CAPN5: variants seen among roughly 807,000 people sequenced by gnomAD.
The protein encoded by CAPN5 is calpain 5.
In CAPN5, 54 loss-of-function variants were observed where a neutral mutation model predicts 73.0. The observed-to-expected ratio is 0.74, with a 90% CI of 0.59 to 0.93. CAPN5 has a LOEUF of 0.93. Ranked by LOEUF, CAPN5 falls within the 40% of genes least tolerant of loss-of-function variation. The pLI, the probability that CAPN5 is intolerant of heterozygous loss-of-function variation, is 0.00. For missense variants in CAPN5, 785 were observed against 882.9 expected (o/e 0.89, Z 1.41); for synonymous variants, 335 against 356.9 (o/e 0.94, Z 0.69).
chr11:77,091,919 T>C (rs1304331274), intron 2 of CAPN5, among the ~76,000 whole-genome samples: 2 of 152,206 alleles, frequency 1.3e-5, no homozygotes, highest in African/African-American at 4.8e-5. Flanking sequence ...TGATTCCTCC[T>C]CGCAAAGTAG....
chr11:77,086,363 C>G (rs563001275), intron 2 of CAPN5, among the ~76,000 whole-genome samples: 5 of 152,226 alleles, frequency 3.3e-5, no homozygotes, highest in Admixed American at 2.6e-4. Flanking sequence ...AAACTGAGGC[C>G]AAGAGAGGAA....
intron 1 of CAPN5, among the ~76,000 whole-genome samples, chr11:77,073,335 C>T (rs548731034): frequency 3.3e-5 from 5 of 152,352 alleles, no homozygotes; most frequent in Non-Finnish European, 5.9e-5. Context: ...AACCCCTGAC[C>T]TGGAACACCC....
chr11:77,093,611 C>T lies in CAPN5; in HGVS notation c.166-71C>T. 6 of 1,426,218 alleles carry T rather than the reference C, an allele frequency of 4.2e-6. No homozygotes were observed. In the South Asian group the frequency reaches 5.2e-5, roughly 12 times the overall value. The allele number at this position is 1,426,218 out of a possible 1,614,324, so 88.3% of individuals were successfully genotyped here. On this transcript the variant is annotated intron_variant, in intron 2 of 12. Transcript: ENST00000648180. Reference sequence around the variant, plus strand: ...CTGTGTCTGTCACGTCTGTGTCTGTCATGTCTCCTGCCATGGGGGGCATCC... The same window carrying T: ...CTGTGTCTGTCACGTCTGTGTCTGTTATGTCTCCTGCCATGGGGGGCATCC...
chr11:77,083,256 G>A (rs1325904426), intron 1 of CAPN5, among the ~76,000 whole-genome samples: 1 of 152,178 alleles, frequency 6.6e-6, no homozygotes, highest in African/African-American at 2.4e-5. Context: ...TGGCAGGTGG[G>A]GGGACAATGG....
chr11:77,085,187 G>T, intron 2 of CAPN5, 136 bp downstream of exon 2: 1 of 735,088 alleles, frequency 1.4e-6, no homozygotes, highest in Non-Finnish European at 2.3e-6. Context: ...GTGCTGAAAC[G>T]GTGGGATTTG....
At chr11:77,075,938 T>C (rs958747533) in intron 1 of CAPN5, among the ~76,000 whole-genome samples, 1 of 152,226 alleles carries the variant, frequency 6.6e-6, no homozygotes, top group Non-Finnish European at 1.5e-5. Flanking sequence ...ATTTTTTAAA[T>C]AGATAAAAAT....
In CAPN5 at chr11:77,114,194, C is replaced by A. The variant is rs200324313; in HGVS notation, c.507-48C>A. 5.1e-6 allele frequency: 8 copies of A among 1,574,704 alleles called. No homozygotes were observed. The South Asian group carries it at 8.9e-5, about 17-fold the overall frequency. ...CTCCCCTATGAGGTAAAGGATGCAG[C>A]CTGGCTGGGGAGCATGAGCTGGGAA... is the stretch of plus-strand genomic sequence containing the variant. On this transcript the variant is annotated intron_variant, in intron 4 of 12. Coordinates refer to ENST00000648180, the MANE Select transcript of CAPN5 (RefSeq NM_004055.5).
chr11:77,086,017 A>G (rs1555035444), intron 2 of CAPN5, among the ~76,000 whole-genome samples: 1 of 152,150 alleles, frequency 6.6e-6, no homozygotes, highest in East Asian at 1.9e-4. Context: ...TTTTTGCCCA[A>G]AGGGCCAGGT....
At chr11:77,080,415 G>T (rs1326458225) in intron 1 of CAPN5, among the ~76,000 whole-genome samples, 1 of 152,126 alleles carries the variant, frequency 6.6e-6, no homozygotes, top group Non-Finnish European at 1.5e-5. Context: ...CTGGCTCCAT[G>T]ACCCCATCTC....
At chr11:77,113,335 C>T (rs1950431252) in intron 4 of CAPN5, among the ~76,000 whole-genome samples, 1 of 152,246 alleles carries the variant, frequency 6.6e-6, no homozygotes, top group South Asian at 2.1e-4. Context: ...ACACAGAGCC[C>T]AGCATAGAAT....
chr11:77,116,271 G>C lies in CAPN5; in HGVS notation c.939G>C (p.Met313Ile). The change falls in exon 7 of 13, where the codon ATG becomes ATC. Residue 313 changes from methionine to isoleucine, a missense_variant. By Grantham distance (10) the Met-to-Ile change is conservative. Transcript: ENST00000648180. ...QKVSKSEREK[M>I]GVTVQDDGEF... Reference sequence around the variant, plus strand: ...TGAGCAAGAGTGAGCGGGAGAAGATGGGTGTGACCGTGCAGGACGACGGTG... The same window carrying C: ...TGAGCAAGAGTGAGCGGGAGAAGATCGGTGTGACCGTGCAGGACGACGGTG... 1 of 1,613,756 alleles carries C rather than the reference G, an allele frequency of 6.2e-7. No individual in the cohort carries two copies.
At position 77,125,585 on chromosome 11, in the gene CAPN5, T is replaced by C. The variant is rs1182630737; in HGVS notation, c.*1715T>C. The C allele has an allele frequency of 1.3e-5, 2 of 150,032 alleles. No individual in the cohort carries two copies. The highest frequency in any genetic ancestry group is 3.0e-5 in the Non-Finnish European group (2 of 67,736). The allele number at this position is 150,032 out of a possible 1,614,324, so 9.3% of individuals were successfully genotyped here. ...TGAGTAAGGGCAAAATAATACCCCT[T>C]TCTCTATGTATCTCTGTATGCACAC... On this transcript the variant is annotated 3_prime_UTR_variant, in exon 13 of 13. Transcript: ENST00000648180.
At chr11:77,093,596 C>CA (rs1218601823) in intron 2 of CAPN5, 86 bp from the exon 3 acceptor site, 6 of 768,952 alleles carry the variant, frequency 7.8e-6, no homozygotes, top group Admixed American at 3.1e-5. Flanking sequence ...CTGTGTCTGT[C>CA]ACGTCTGTGT....
chr11:77,078,866 C>A (rs1276541810), intron 1 of CAPN5, among the ~76,000 whole-genome samples: 1 of 151,924 alleles, frequency 6.6e-6, no homozygotes, highest in East Asian at 1.9e-4. Flanking sequence ...GTTTTCTTGA[C>A]TCTTTTGAGT....
At chr11:77,106,779 G>A (rs1486479440) in intron 3 of CAPN5, among the ~76,000 whole-genome samples, 1 of 152,238 alleles carries the variant, frequency 6.6e-6, no homozygotes, top group African/African-American at 2.4e-5. Flanking sequence ...AGGAGAACCT[G>A]TGGAGAGCTG....
chr11:77,098,232 C>T (rs1187072438), intron 3 of CAPN5, among the ~76,000 whole-genome samples: 1 of 74,978 alleles, frequency 1.3e-5, no homozygotes, highest in African/African-American at 7.1e-5. Flanking sequence ...GGGGGGCTGA[C>T]CCCCCCCACC....
At chr11:77,084,253 C>T (rs1950058239) in intron 1 of CAPN5, among the ~76,000 whole-genome samples, 1 of 137,556 alleles carries the variant, frequency 7.3e-6, no homozygotes, top group African/African-American at 2.5e-5. Context: ...ACCTGGGCCC[C>T]TGGGGAATGG....
At chr11:77,072,437 C>T (rs1216345874) in intron 1 of CAPN5, among the ~76,000 whole-genome samples, 1 of 152,224 alleles carries the variant, frequency 6.6e-6, no homozygotes, top group Non-Finnish European at 1.5e-5. Flanking sequence ...TCTGACTCCT[C>T]ACTGCCCCTT....
intron 4 of CAPN5, chr11:77,113,018 C>T: frequency 3.3e-6 from 2 of 597,682 alleles, no homozygotes; most frequent in Non-Finnish European, 3.0e-6. Flanking sequence ...ATGTTGGTTA[C>T]TCCCATTTTA....
Sources: gnomAD v4.1 joint callset for allele counts (sites outside exome capture counted in the v4.1 genomes callset) on GRCh38, gnomAD v4.1.1 for gene constraint, MANE v1.5 for transcripts, NCBI Gene and HGNC (gene_info 2026-07-23, HGNC 2026-07-21) for gene names.